The following CSMD1 variants were observed in gnomAD, a reference collection of about 807,000 sequenced individuals.
The protein encoded by CSMD1 is CUB and Sushi multiple domains 1.
Under a neutral mutation model 417.5 loss-of-function variants are expected in CSMD1, and 213 were observed. The observed-to-expected ratio is 0.51, with a 90% CI of 0.46 to 0.57. The LOEUF (loss-of-function observed/expected upper bound fraction) is 0.57, where lower values mean the gene tolerates loss of function less well. CSMD1 is among the 20% of genes least tolerant of loss of function. CSMD1 has a pLI of 0.00. For synonymous variants in CSMD1, 2,862 were observed against 1,736.8 expected, an observed-to-expected ratio of 1.65 and a Z score of -16.11; for missense variants, 6,923 against 4,529.7, an observed-to-expected ratio of 1.53 and a Z score of -15.17.
chr8:3,281,412 C>G (rs780274195), intron 26 of CSMD1, among the ~76,000 whole-genome samples: 13 of 152,048 alleles, frequency 8.5e-5, no homozygotes, highest in Non-Finnish European at 1.5e-4. Flanking sequence ...CCACTGCACT[C>G]CAGCCTGGGC....
chr8:4,187,844 T>C (rs776128991), intron 3 of CSMD1, among the ~76,000 whole-genome samples: 29 of 152,122 alleles, frequency 1.9e-4, no homozygotes, highest in Admixed American at 6.5e-4. Flanking sequence ...GCTGAGACTA[T>C]TTCATAGGCA....
Position 3,005,810 on chromosome 8 carries a change from A to G in CSMD1, c.8030-5679T>C, listed in dbSNP as rs201509550. On this transcript the variant is annotated intron_variant, in intron 52 of 69. Coordinates refer to ENST00000635120, the MANE Select transcript of CSMD1 (RefSeq NM_033225.6). The stretch of plus-strand genomic sequence containing the variant: ...GCTATCTATGACAAACCCACAGCCA[A>G]TATCATACTGAATGGGCAAAAACTG... Among the ~76,000 whole-genome samples the G allele has an allele frequency of 5.3e-4, 81 of 152,210 alleles. 1 individual carries two copies. The East Asian group carries it at 9.5e-3, about 18-fold the overall frequency.
intron 3 of CSMD1, among the ~76,000 whole-genome samples, chr8:4,063,323 AAAGAT>A (rs1330423649): frequency 6.6e-6 from 1 of 152,188 alleles, no homozygotes; most frequent in Non-Finnish European, 1.5e-5. Flanking sequence ...AAAATAATTT[AAAGAT>A]AAAATAAAAA....
chr8:3,998,915 TAACA>T (rs1039663161), intron 4 of CSMD1, among the ~76,000 whole-genome samples: 1 of 148,928 alleles, frequency 6.7e-6, no homozygotes, highest in African/African-American at 2.4e-5. Context: ...TATATATAAA[TAACA>T]AACTATATAG....
At chr8:4,376,570 T>A (rs1802756298) in intron 3 of CSMD1, among the ~76,000 whole-genome samples, 1 of 152,202 alleles carries the variant, frequency 6.6e-6, no homozygotes, top group African/African-American at 2.4e-5. Flanking sequence ...TGCCTGTTTG[T>A]TGTTGTTACA....
At chr8:4,774,410 G>A (rs1011271776) in intron 1 of CSMD1, among the ~76,000 whole-genome samples, 17 of 152,118 alleles carry the variant, frequency 1.1e-4, no homozygotes, top group African/African-American at 2.2e-4. Flanking sequence ...GGAAACATCC[G>A]CATGTAAATG....
chr8:3,237,061 C>T (rs1799196600), intron 26 of CSMD1, among the ~76,000 whole-genome samples: 1 of 152,034 alleles, frequency 6.6e-6, no homozygotes, highest in South Asian at 2.1e-4. Context: ...AGCAGTGGGT[C>T]TGACTGTTTC....
intron 26 of CSMD1, among the ~76,000 whole-genome samples, chr8:3,257,873 G>A (rs1349591695): frequency 6.6e-6 from 1 of 152,116 alleles, no homozygotes; most frequent in Non-Finnish European, 1.5e-5. Flanking sequence ...TGATCCAGGG[G>A]CCATTGCTGG....
chr8:4,647,193 T>C (rs116675904), intron 1 of CSMD1, among the ~76,000 whole-genome samples: 2,286 of 151,640 alleles, frequency 0.015, 59 homozygotes, highest in African/African-American at 0.053. Flanking sequence ...CACTGGGCCA[T>C]ACGTAACTTC....
chr8:3,094,346 C>G (rs2129009619), intron 47 of CSMD1, among the ~76,000 whole-genome samples: 1 of 152,214 alleles, frequency 6.6e-6, no homozygotes, highest in East Asian at 1.9e-4. Context: ...CTCAGGTGAT[C>G]CATTCACCTC....
chr8:3,739,364 C>T (rs1465524570), intron 6 of CSMD1, among the ~76,000 whole-genome samples: 1 of 152,130 alleles, frequency 6.6e-6, no homozygotes, highest in South Asian at 2.1e-4. Context: ...TGTAGTTAAC[C>T]ACTTATTACA....
intron 5 of CSMD1, among the ~76,000 whole-genome samples, chr8:3,911,271 G>C (rs1274806966): frequency 6.6e-6 from 1 of 151,586 alleles, no homozygotes; most frequent in Non-Finnish European, 1.5e-5. Context: ...TTTTTCTTTT[G>C]TTTAACTGAA....
chr8:4,323,435 T>C (rs1489451002), intron 3 of CSMD1, among the ~76,000 whole-genome samples: 1 of 152,192 alleles, frequency 6.6e-6, no homozygotes, highest in Non-Finnish European at 1.5e-5. Flanking sequence ...GTCACCCCAT[T>C]TGATTCAAAG....
chr8:3,028,894 T>C (rs539964625), intron 51 of CSMD1, among the ~76,000 whole-genome samples: 1 of 152,348 alleles, frequency 6.6e-6, no homozygotes, highest in African/African-American at 2.4e-5. Context: ...GCTTATCTTG[T>C]ACCTAAGAGA....
chr8:3,151,052 C>G (rs1216458304), intron 40 of CSMD1, among the ~76,000 whole-genome samples: 1 of 151,998 alleles, frequency 6.6e-6, no homozygotes, highest in Non-Finnish European at 1.5e-5. Flanking sequence ...CCAGAAGAAA[C>G]AATAACCATT....
chr8:4,033,397 G>A (rs570350279), intron 3 of CSMD1, among the ~76,000 whole-genome samples: 3 of 152,058 alleles, frequency 2.0e-5, no homozygotes, highest in African/African-American at 4.8e-5. Context: ...AGCCGAGATC[G>A]CACCACTGCA....
intron 11 of CSMD1, 59 bp downstream of exon 11, chr8:3,493,564 C>T (rs532780318): frequency 3.5e-6 from 5 of 1,409,614 alleles, no homozygotes; most frequent in Admixed American, 3.9e-5. Context: ...ATCTCATCTC[C>T]ACCCACCGTG....
chr8:3,234,226 G>A (rs181763207), intron 26 of CSMD1, among the ~76,000 whole-genome samples: 14 of 152,038 alleles, frequency 9.2e-5, no homozygotes, highest in Admixed American at 3.9e-4. Context: ...CATATCAACC[G>A]GGATTCCTTA....
chr8:4,287,134 C>A (rs544287000), intron 3 of CSMD1, among the ~76,000 whole-genome samples: 2 of 152,204 alleles, frequency 1.3e-5, no homozygotes, highest in African/African-American at 4.8e-5. Context: ...AACACCTAGT[C>A]TGTTAATGTG....
Sources: gnomAD v4.1 joint callset for allele counts (sites outside exome capture counted in the v4.1 genomes callset) on GRCh38, gnomAD v4.1.1 for gene constraint, MANE v1.5 for transcripts, NCBI Gene and HGNC (gene_info 2026-07-23, HGNC 2026-07-21) for gene names.